The following HS3ST5 variants were observed in gnomAD, a reference collection of about 807,000 sequenced individuals.
The protein encoded by HS3ST5 is heparan sulfate-glucosamine 3-sulfotransferase 5.
In HS3ST5, 10 loss-of-function variants were observed where a neutral mutation model predicts 25.4. That is an observed-to-expected ratio of 0.39 (90% CI 0.24 to 0.67). The LOEUF (loss-of-function observed/expected upper bound fraction) is 0.67, where lower values mean the gene tolerates loss of function less well. Ranked by LOEUF, HS3ST5 falls within the 30% of genes least tolerant of loss-of-function variation. The pLI, the probability that HS3ST5 is intolerant of heterozygous loss-of-function variation, is 0.44. For synonymous variants in HS3ST5, 170 were observed against 162.4 expected (o/e 1.05, Z -0.36); for missense variants, 324 against 420.7 (o/e 0.77, Z 2.01).
intron 3 of HS3ST5, among the ~76,000 whole-genome samples, chr6:114,087,075 GC>G (rs1189360874): frequency 1.3e-5 from 2 of 152,086 alleles, no homozygotes; most frequent in Admixed American, 6.5e-5. Flanking sequence ...CTCTGGAAGT[GC>G]CCTCTTTCCT....
intron 1 of HS3ST5, among the ~76,000 whole-genome samples, chr6:114,335,944 G>C (rs1458845153): frequency 6.6e-6 from 1 of 151,550 alleles, no homozygotes; most frequent in Non-Finnish European, 1.5e-5. Flanking sequence ...GAGCCACCGC[G>C]CCCGGCCCCA....
chr6:114,069,279 G>T (rs1385566844), intron 3 of HS3ST5, among the ~76,000 whole-genome samples: 4 of 151,666 alleles, frequency 2.6e-5, no homozygotes, highest in Non-Finnish European at 5.9e-5. Context: ...TACATTTATT[G>T]AACACTAGGC....
At chr6:114,301,099 G>T in intron 1 of HS3ST5, among the ~76,000 whole-genome samples, 1 of 152,098 alleles carries the variant, frequency 6.6e-6, no homozygotes, top group African/African-American at 2.4e-5. Flanking sequence ...TTGTGGTAAT[G>T]GTCACAGAAC....
chr6:114,301,761 T>A (rs1775083682), intron 1 of HS3ST5, among the ~76,000 whole-genome samples: 1 of 152,124 alleles, frequency 6.6e-6, no homozygotes, highest in Non-Finnish European at 1.5e-5. Flanking sequence ...CCTCAGCTGC[T>A]TCATGGGGTT....
chr6:114,150,119 T>C (rs1010152793), intron 3 of HS3ST5, among the ~76,000 whole-genome samples: 1 of 152,260 alleles, frequency 6.6e-6, no homozygotes, highest in Admixed American at 6.5e-5. Flanking sequence ...TTAAATATTC[T>C]TACTGAAAAC....
intron 3 of HS3ST5, among the ~76,000 whole-genome samples, chr6:114,096,200 G>T (rs1022606422): frequency 6.6e-6 from 1 of 152,070 alleles, no homozygotes; most frequent in Non-Finnish European, 1.5e-5. Context: ...TAGTCCAAGG[G>T]AACATCACCC....
intron 2 of HS3ST5, among the ~76,000 whole-genome samples, chr6:114,177,189 T>A (rs927659253): frequency 6.6e-6 from 1 of 152,194 alleles, no homozygotes; most frequent in Admixed American, 6.5e-5. Flanking sequence ...ATTTTTTTTA[T>A]CCACAAGAAT....
At chr6:114,153,083 C>G (rs1208454653) in intron 3 of HS3ST5, among the ~76,000 whole-genome samples, 1 of 152,162 alleles carries the variant, frequency 6.6e-6, no homozygotes, top group Non-Finnish European at 1.5e-5. Context: ...CTTGAATATT[C>G]CCAGTTGCAG....
rs577231812 is a variant in HS3ST5 at position 114,203,896 on chromosome 6, G to A, written c.-145+24689C>T. On this transcript the variant is annotated intron_variant, in intron 2 of 4. Transcript: ENST00000312719. ...CTGTCTTAGTGTGATTGGATTTTCT[G>A]TGCAGCAGGCAAGAGGAACCCATTG... Among the ~76,000 whole-genome samples the A allele has an allele frequency of 3.3e-5, 5 of 152,296 alleles. No homozygotes were observed. In the East Asian group the frequency reaches 9.6e-4, roughly 29 times the overall value.
At chr6:114,095,140 T>TAC (rs1344841604) in intron 3 of HS3ST5, among the ~76,000 whole-genome samples, 1 of 152,222 alleles carries the variant, frequency 6.6e-6, no homozygotes, top group Non-Finnish European at 1.5e-5. Flanking sequence ...TTTAAGCTGC[T>TAC]AACTTCGTGA....
At chr6:114,219,297 G>A (rs538951794) in intron 2 of HS3ST5, among the ~76,000 whole-genome samples, 135 of 152,322 alleles carry the variant, frequency 8.9e-4, no homozygotes, top group African/African-American at 2.6e-3. Flanking sequence ...CTCAGCCCAA[G>A]AGGCAAAATA....
intron 1 of HS3ST5, among the ~76,000 whole-genome samples, chr6:114,316,140 T>C (rs1056862455): frequency 6.6e-6 from 1 of 152,208 alleles, no homozygotes; most frequent in Admixed American, 6.5e-5. Flanking sequence ...TTATTGAATT[T>C]ATTGTAATAT....
chr6:114,160,219 C>T (rs992818939), intron 3 of HS3ST5, among the ~76,000 whole-genome samples: 1 of 150,416 alleles, frequency 6.6e-6, no homozygotes, highest in African/African-American at 2.5e-5. Flanking sequence ...CTTTAGAATA[C>T]TTCTTATCAA....
chr6:114,214,755 T>A (rs1388139010), intron 2 of HS3ST5, among the ~76,000 whole-genome samples: 4 of 152,204 alleles, frequency 2.6e-5, no homozygotes, highest in Non-Finnish European at 5.9e-5. Context: ...GCCCAATTTC[T>A]CTAGGCCCCA....
chr6:114,281,732 T>C (rs141860139), intron 1 of HS3ST5: 43 of 152,116 alleles, frequency 2.8e-4, no homozygotes, highest in African/African-American at 9.6e-4. Flanking sequence ...CACCGCAATA[T>C]GTTTTAGCTT....
chr6:114,078,874 C>G (rs997867145), intron 3 of HS3ST5, among the ~76,000 whole-genome samples: 10 of 152,144 alleles, frequency 6.6e-5, no homozygotes, highest in Non-Finnish European at 1.5e-4. Flanking sequence ...TTTCAGAGCA[C>G]TTCAATAAAG....
intron 3 of HS3ST5, among the ~76,000 whole-genome samples, chr6:114,082,386 A>AT (rs1247006642): frequency 6.6e-6 from 1 of 152,182 alleles, no homozygotes; most frequent in Non-Finnish European, 1.5e-5. Flanking sequence ...TCTTAACTGG[A>AT]TTTTAAGTCA....
intron 1 of HS3ST5, among the ~76,000 whole-genome samples, chr6:114,268,903 G>C (rs1773522030): frequency 6.6e-6 from 1 of 152,160 alleles, no homozygotes; most frequent in Admixed American, 6.5e-5. Flanking sequence ...TGCCAGAGAG[G>C]AGGTGGTGGG....
chr6:114,273,677 T>C (rs1773725286), intron 1 of HS3ST5, among the ~76,000 whole-genome samples: 1 of 151,420 alleles, frequency 6.6e-6, no homozygotes, highest in Admixed American at 6.6e-5. Context: ...TCAAGAAAAA[T>C]GGAGTAACTG....
Sources: gnomAD v4.1 joint callset for allele counts (sites outside exome capture counted in the v4.1 genomes callset) on GRCh38, gnomAD v4.1.1 for gene constraint, MANE v1.5 for transcripts, NCBI Gene and HGNC (gene_info 2026-07-23, HGNC 2026-07-21) for gene names.